Variants in TGFBR3 observed in about 807,000 individuals in gnomAD.
TGFBR3 encodes the protein transforming growth factor beta receptor 3.
A neutral mutation model predicts 87.9 loss-of-function variants in TGFBR3; 46 were observed. That is an observed-to-expected ratio of 0.52 (90% CI 0.41 to 0.67). TGFBR3 has a LOEUF of 0.67. TGFBR3 is among the 30% of genes least tolerant of loss of function. The pLI, the probability that TGFBR3 is intolerant of heterozygous loss-of-function variation, is 0.00. For synonymous variants in TGFBR3, 381 were observed against 391.6 expected (o/e 0.97, Z 0.32); for missense variants, 866 against 1,041.9 (o/e 0.83, Z 2.32).
intron 3 of TGFBR3, among the ~76,000 whole-genome samples, chr1:91,768,024 C>T (rs551186615): frequency 9.5e-4 from 145 of 152,116 alleles, no homozygotes; most frequent in African/African-American, 3.4e-3. Flanking sequence ...ACCAGCCTGG[C>T]CAACATGGAG....
At chr1:91,839,132 C>T (rs184168693) in intron 2 of TGFBR3, among the ~76,000 whole-genome samples, 70 of 152,220 alleles carry the variant, frequency 4.6e-4, no homozygotes, top group African/African-American at 1.7e-3. Flanking sequence ...CACACACCAC[C>T]ATTCCTGGCT....
intron 3 of TGFBR3, among the ~76,000 whole-genome samples, chr1:91,787,206 C>G (rs1036126377): frequency 4.6e-5 from 7 of 151,888 alleles, no homozygotes; most frequent in Non-Finnish European, 1.0e-4. Context: ...GAGGCTGAGG[C>G]AAGAGAATCG....
chr1:91,865,785 A>G (rs1462952361), intron 1 of TGFBR3, among the ~76,000 whole-genome samples: 3 of 151,814 alleles, frequency 2.0e-5, no homozygotes, highest in Non-Finnish European at 4.4e-5. Context: ...GGTGGCAGGC[A>G]CCTGTAGTCC....
intron 1 of TGFBR3, among the ~76,000 whole-genome samples, chr1:91,875,780 C>CGG (rs1204497451): frequency 1.5e-4 from 1 of 6,848 alleles, no homozygotes; most frequent in African/African-American, 5.0e-4. Flanking sequence ...CCCAGCTACT[C>CGG]GGGCGGGGGG....
Position 91,698,243 on chromosome 1 carries a change from G to A in TGFBR3, c.2288-113C>T, listed in dbSNP as rs548890250. 2.8e-4 allele frequency: 249 copies of A among 900,162 alleles called. No individual in the cohort carries two copies. In the South Asian group the frequency reaches 3.3e-3, roughly 12 times the overall value. The allele number at this position is 900,162 out of a possible 1,614,324, so 55.8% of individuals were successfully genotyped here. On this transcript the variant is annotated intron_variant, in intron 14 of 16. Coordinates refer to ENST00000212355, the MANE Select transcript of TGFBR3 (RefSeq NM_003243.5). Reference sequence around the variant, plus strand: ...TTTTCCATTTGGTAATAAATACTGTGAGAAAGCTCTGTCAATGATCCTCTT... The same window carrying A: ...TTTTCCATTTGGTAATAAATACTGTAAGAAAGCTCTGTCAATGATCCTCTT...
intron 2 of TGFBR3, among the ~76,000 whole-genome samples, chr1:91,898,339 A>G (rs1050970394): frequency 6.7e-6 from 1 of 148,386 alleles, no homozygotes; most frequent in African/African-American, 2.4e-5. Flanking sequence ...CCATTTTCCA[A>G]TGCCCACCAA....
At chr1:91,806,202 G>T (rs751395025) in intron 2 of TGFBR3, among the ~76,000 whole-genome samples, 1 of 152,014 alleles carries the variant, frequency 6.6e-6, no homozygotes, top group East Asian at 1.9e-4. Context: ...CTAAGATCTC[G>T]CTATAACATC....
At chr1:91,801,180 G>A (rs1241884906) in intron 2 of TGFBR3, 1 of 157,112 alleles carries the variant, frequency 6.4e-6, no homozygotes, top group Non-Finnish European at 1.4e-5. Context: ...CTGACACATT[G>A]CAAGGAAGCA....
intron 2 of TGFBR3, among the ~76,000 whole-genome samples, chr1:91,800,305 T>C (rs1388926844): frequency 3.0e-5 from 4 of 131,952 alleles, no homozygotes; most frequent in Admixed American, 2.3e-4. Flanking sequence ...CATATATGCA[T>C]GCATATATGT....
chr1:91,852,494 C>T (rs1372601872), intron 2 of TGFBR3, among the ~76,000 whole-genome samples: 1 of 152,226 alleles, frequency 6.6e-6, no homozygotes, highest in East Asian at 1.9e-4. Flanking sequence ...GGAGGTGCTT[C>T]ATCACACTTG....
At chr1:91,885,361 G>GC (rs1557762703) in intron 1 of TGFBR3, among the ~76,000 whole-genome samples, 3 of 103,740 alleles carry the variant, frequency 2.9e-5, no homozygotes, top group Admixed American at 1.8e-4. Flanking sequence ...ATAAACCGGG[G>GC]CGGGGGGGGG....
chr1:91,884,042 C>A (rs1239457065), intron 1 of TGFBR3, among the ~76,000 whole-genome samples: 2 of 152,154 alleles, frequency 1.3e-5, no homozygotes, highest in Non-Finnish European at 2.9e-5. Context: ...TCCATGTTGG[C>A]CAGGCGTGGT....
chr1:91,819,987 A>G (rs1676385082), intron 2 of TGFBR3, among the ~76,000 whole-genome samples: 1 of 152,250 alleles, frequency 6.6e-6, no homozygotes, highest in East Asian at 1.9e-4. Context: ...AGTTCCAGAT[A>G]AACAGTGAAT....
chr1:91,846,934 G>C (rs1314204798), intron 2 of TGFBR3, among the ~76,000 whole-genome samples: 1 of 151,816 alleles, frequency 6.6e-6, no homozygotes, highest in Non-Finnish European at 1.5e-5. Flanking sequence ...CTAGCAGGGG[G>C]GCAAAAAGAA....
intron 3 of TGFBR3, among the ~76,000 whole-genome samples, chr1:91,767,601 C>A (rs1674225412): frequency 7.6e-6 from 1 of 132,138 alleles, no homozygotes; most frequent in African/African-American, 2.9e-5. Flanking sequence ...AATTGGTGTT[C>A]TTGCCAAAGT....
At chr1:91,727,445 A>G (rs945720031) in intron 7 of TGFBR3, among the ~76,000 whole-genome samples, 1 of 152,204 alleles carries the variant, frequency 6.6e-6, no homozygotes, top group Admixed American at 6.5e-5. Context: ...CAGTGGGATT[A>G]CCTGGACTCA....
intron 3 of TGFBR3, among the ~76,000 whole-genome samples, chr1:91,790,351 G>C (rs141766650): frequency 6.6e-6 from 1 of 152,304 alleles, no homozygotes; most frequent in East Asian, 1.9e-4. Flanking sequence ...ATATGGCCGA[G>C]GTGCGTAGTA....
At chr1:91,768,404 G>C (rs1487579585) in intron 3 of TGFBR3, among the ~76,000 whole-genome samples, 3 of 152,096 alleles carry the variant, frequency 2.0e-5, no homozygotes, top group African/African-American at 7.2e-5. Context: ...GCACTTACAG[G>C]AATTACATTA....
At chr1:91,854,558 T>A (rs17884616) in intron 2 of TGFBR3, among the ~76,000 whole-genome samples, 1,770 of 151,978 alleles carry the variant, frequency 0.012, 30 homozygotes, top group African/African-American at 0.03. Context: ...TGAAAAAAAA[T>A]AATATATTTT....
Sources: allele counts gnomAD v4.1 joint callset (sites outside exome capture counted in the v4.1 genomes callset), GRCh38; gene constraint gnomAD v4.1.1; transcripts MANE v1.5; gene names NCBI Gene and HGNC (gene_info 2026-07-23, HGNC 2026-07-21).